ANKLE2: variants seen among roughly 807,000 people sequenced by gnomAD.
ANKLE2 encodes ankyrin repeat and LEM domain containing 2.
Under a neutral mutation model 84.2 loss-of-function variants are expected in ANKLE2, and 55 were observed. The ratio of observed to expected loss-of-function variants is 0.65; its 90% CI spans 0.53 to 0.82. The LOEUF (loss-of-function observed/expected upper bound fraction) is 0.82, where lower values mean the gene tolerates loss of function less well. Ranked by LOEUF, ANKLE2 falls within the 40% of genes least tolerant of loss-of-function variation. The pLI is 0.00. For synonymous variants in ANKLE2, 551 were observed against 486.1 expected, an observed-to-expected ratio of 1.13 and a Z score of -1.76; for missense variants, 1,238 against 1,201.9, an observed-to-expected ratio of 1.03 and a Z score of -0.44.
Position 132,737,069 on chromosome 12 carries a change from A to G in ANKLE2, c.1421-4T>C. Reference sequence around the variant, plus strand: ...AGGAGGGGCACGTAGTAGTGGCCTGAGGGAGGAGACAGGCACTGGCTGCAG... The same window carrying G: ...AGGAGGGGCACGTAGTAGTGGCCTGGGGGAGGAGACAGGCACTGGCTGCAG... On this transcript the variant is annotated splice_polypyrimidine_tract_variant and splice_region_variant and intron_variant, in intron 7 of 12. Transcript: ENST00000357997. 6.3e-7 allele frequency: 1 copy of G among 1,586,934 alleles called. No individual in the cohort carries two copies. Among genetic ancestry groups the G allele is most frequent in the Non-Finnish European group, 8.6e-7 (1 of 1,161,292 alleles).
At chr12:132,727,536 A>T in intron 12 of ANKLE2, 93 bp from the exon 13 acceptor site, 2 of 1,456,096 alleles carry the variant, frequency 1.4e-6, no homozygotes, top group South Asian at 2.5e-5. Flanking sequence ...ACTCAGGCAC[A>T]TGCGCCCGGG....
chr12:132,736,357 TAA>T (rs1232211320), intron 8 of ANKLE2, among the ~76,000 whole-genome samples: 1 of 152,118 alleles, frequency 6.6e-6, no homozygotes, highest in Non-Finnish European at 1.5e-5. Flanking sequence ...CAACTGTAAA[TAA>T]AAAAGTGTAC....
chr12:132,759,943 G>A (rs1170292403), intron 1 of ANKLE2: 1 of 152,070 alleles, frequency 6.6e-6, no homozygotes, highest in Non-Finnish European at 1.5e-5. Context: ...AGACCATCCT[G>A]GCCAACATGG....
rs2044450569 is a variant in ANKLE2, at chr12:132,755,115, G to C, written c.200C>G (p.Ala67Gly). The C allele has an allele frequency of 6.2e-7, 1 of 1,604,330 alleles. No homozygotes were observed. ...APASGEMTMD[A>G]LLARLKLLNP... The stretch of plus-strand genomic sequence containing the variant: ...CAGAAGTTTCAATCGAGCCAACAGA[G>C]CATCCATTGTCATTTCACCTAGGCC... Residue 67 changes from alanine (A) to glycine (G), a missense_variant, in exon 2 of 13, where the codon GCT (alanine) becomes GGT (glycine). Physicochemically the swap from Ala to Gly is moderately conservative, Grantham distance 60 (BLOSUM62 0). Transcript: ENST00000357997.
chr12:132,730,242 A>C lies in ANKLE2; in HGVS notation c.1920T>G (p.Phe640Leu). 2.5e-6 allele frequency: 4 copies of C among 1,573,600 alleles called. No homozygotes were observed. The highest frequency in any genetic ancestry group is 3.5e-6 in the Non-Finnish European group (4 of 1,158,008). Residue 640 changes from phenylalanine to leucine, a missense_variant, in exon 11 of 13, where the codon TTT becomes TTG. Around this residue, in one of 3 missense-constraint regions of ANKLE2, gnomAD observed 802 missense variants for 774.5 expected, o/e 1.04. Coordinates refer to ENST00000357997, the MANE Select transcript of ANKLE2 (RefSeq NM_015114.3). ...CCAAGCTCATGTCATCTTCATCTAG[A>C]AACGCCCTCACGGAAATGGAATTGC... ...SGSNSISVRA[F>L]LDEDDMSLEE...
chr12:132,759,014 G>A (rs1352205731), intron 1 of ANKLE2: 2 of 143,852 alleles, frequency 1.4e-5, no homozygotes, highest in African/African-American at 5.5e-5. Flanking sequence ...GGGCACCCAC[G>A]TGGCAGAGTG....
intron 2 of ANKLE2, among the ~76,000 whole-genome samples, chr12:132,752,638 G>C (rs1279058203): frequency 6.6e-6 from 1 of 151,944 alleles, no homozygotes; most frequent in African/African-American, 2.4e-5. Context: ...CAAAGTGCTG[G>C]GATTACAGGC....
chr12:132,739,307 T>C (rs1265307473), intron 7 of ANKLE2, among the ~76,000 whole-genome samples: 3 of 152,188 alleles, frequency 2.0e-5, no homozygotes, highest in African/African-American at 2.4e-5. Context: ...CTGAAGGTAC[T>C]GAAGAATTTC....
At position 132,735,254 on chromosome 12, in the gene ANKLE2, C is replaced by T. The variant is rs2043984225; in HGVS notation, c.1700+152G>A. ...GGCTTAAGCTAGAATTCCACAACAT[C>T]CACAAGGAATTAGACCTTCACGAAA... On this transcript the variant is annotated intron_variant, in intron 9 of 12. Transcript: ENST00000357997. The T allele has an allele frequency of 5.6e-6, 4 of 710,086 alleles. No individual in the cohort carries two copies. The Admixed American group carries it at 7.1e-5, about 13-fold the overall frequency. The allele number at this position is 710,086 out of a possible 1,614,324, so 44.0% of individuals were successfully genotyped here.
chr12:132,730,561 G>C, intron 10 of ANKLE2: 1 of 399,380 alleles, frequency 2.5e-6, no homozygotes. Flanking sequence ...AGAAGCTCAC[G>C]CCTGCAATCC....
intron 10 of ANKLE2, among the ~76,000 whole-genome samples, chr12:132,732,757 A>G (rs1440106281): frequency 7.0e-5 from 4 of 57,448 alleles, no homozygotes; most frequent in African/African-American, 1.5e-4. Context: ...CATGTGAAGC[A>G]CTGCGCGTCC....
intron 1 of ANKLE2, chr12:132,760,636 G>A (rs1315219113): frequency 6.6e-6 from 1 of 152,232 alleles, no homozygotes; most frequent in African/African-American, 2.4e-5. Flanking sequence ...AAGAATACAG[G>A]TGAAGAGATG....
chr12:132,746,832 T>C (rs994515174), intron 5 of ANKLE2, among the ~76,000 whole-genome samples: 7 of 152,180 alleles, frequency 4.6e-5, no homozygotes, highest in African/African-American at 1.4e-4. Context: ...CCTGTTCCAG[T>C]TGGGGTGTTG....
At chr12:132,731,486 T>G (rs576435265) in intron 10 of ANKLE2, 9 of 152,174 alleles carry the variant, frequency 5.9e-5, no homozygotes, top group Admixed American at 3.9e-4. Context: ...AATGGTTCTA[T>G]TATGACCTTA....
At chr12:132,757,874 C>T (rs1395228553) in intron 1 of ANKLE2, 1 of 150,938 alleles carries the variant, frequency 6.6e-6, no homozygotes, top group African/African-American at 2.4e-5. Flanking sequence ...GTTCCAACTA[C>T]TTGGGGGGCT....
In ANKLE2 at chr12:132,726,560, GTA is replaced by G. The variant is rs913712657; in HGVS notation, c.*680_*681del. ...GCTGCTGAGCTCTGTGTTGCTCCTG[GTA>G]TCACTCCCACGGGCTGCAAGACTTC... On this transcript the variant is annotated 3_prime_UTR_variant, in exon 13 of 13. Coordinates refer to ENST00000357997, the MANE Select transcript of ANKLE2 (RefSeq NM_015114.3). 1 of 152,160 alleles carries G rather than the reference GTA, an allele frequency of 6.6e-6. No individual in the cohort carries two copies. Among genetic ancestry groups the G allele is most frequent in the Non-Finnish European group, 1.5e-5 (1 of 68,052 alleles). The allele number at this position is 152,160 out of a possible 1,614,324, so 9.4% of individuals were successfully genotyped here.
chr12:132,734,314 T>G, intron 10 of ANKLE2, 71 bp downstream of exon 10: 2 of 1,486,156 alleles, frequency 1.3e-6, no homozygotes, highest in Non-Finnish European at 1.8e-6. Context: ...GAAACAGATG[T>G]GCGCATCCCG....
At chr12:132,733,936 C>T in intron 10 of ANKLE2, 1 of 456,832 alleles carries the variant, frequency 2.2e-6, no homozygotes, top group South Asian at 1.6e-5. Context: ...CAATACTGCT[C>T]AAAGCGATGC....
Position 132,727,176 on chromosome 12 carries a change from TAG to T in ANKLE2, c.*64_*65del. On this transcript the variant is annotated 3_prime_UTR_variant, in exon 13 of 13. Coordinates refer to ENST00000357997, the MANE Select transcript of ANKLE2 (RefSeq NM_015114.3). ...CAGAATATATTCCTTTTTGACAGTT[TAG>T]CAATAAACATATGACCCTTCCTTCT... is the stretch of plus-strand genomic sequence containing the variant. 2 of 1,418,016 alleles carry T rather than the reference TAG, an allele frequency of 1.4e-6. No homozygotes were observed. The highest frequency in any genetic ancestry group is 2.8e-5 in the Admixed American group (1 of 36,234). 87.8% of individuals were successfully genotyped at this position (1,418,016 alleles called of 1,614,324 possible).
Sources: allele counts gnomAD v4.1 joint callset (sites outside exome capture counted in the v4.1 genomes callset), GRCh38; gene constraint gnomAD v4.1.1; regional missense constraint gnomAD v4.1.1; transcripts MANE v1.5; gene names NCBI Gene and HGNC (gene_info 2026-07-23, HGNC 2026-07-21).